Variants in ACTR3B observed in about 807,000 individuals in gnomAD.
ACTR3B encodes actin related protein 3B.
Under a neutral mutation model 59.0 loss-of-function variants are expected in ACTR3B, and 8 were observed. The observed-to-expected ratio is 0.14, with a 90% CI of 0.08 to 0.24. The LOEUF is 0.24. Among genes scored for constraint, ACTR3B ranks in the 10% least tolerant of loss-of-function variants. ACTR3B has a pLI of 1.00. For missense variants in ACTR3B, 245 were observed against 552.3 expected (o/e 0.44, Z 5.58); for synonymous variants, 148 against 197.9 (o/e 0.75, Z 2.12).
chr7:152,774,131 A>C (rs1383439723), intron 1 of ACTR3B, among the ~76,000 whole-genome samples: 2 of 151,928 alleles, frequency 1.3e-5, no homozygotes, highest in African/African-American at 4.8e-5. Flanking sequence ...TATTGCTTTA[A>C]AATTTTTTTG....
chr7:152,846,148 C>CG (rs1430575650), intron 9 of ACTR3B, among the ~76,000 whole-genome samples: 8 of 147,522 alleles, frequency 5.4e-5, no homozygotes, highest in African/African-American at 1.8e-4. Context: ...CTCTAGTGCC[C>CG]GGGCTGTAGT....
intron 2 of ACTR3B, among the ~76,000 whole-genome samples, chr7:152,785,376 TGAGGG>T (rs1454386066): frequency 1.9e-4 from 1 of 5,324 alleles, no homozygotes; most frequent in Non-Finnish European, 3.4e-4. Context: ...GAGTTTGTTG[TGAGGG>T]GGGGGGGAGG....
At chr7:152,831,551 A>G (rs13310946) in intron 9 of ACTR3B, among the ~76,000 whole-genome samples, 1 of 152,190 alleles carries the variant, frequency 6.6e-6, no homozygotes, top group East Asian at 1.9e-4. Context: ...AACTTTAACT[A>G]TTGTGAGTTA....
chr7:152,834,281 G>A (rs1797263853), intron 9 of ACTR3B, among the ~76,000 whole-genome samples: 2 of 151,690 alleles, frequency 1.3e-5, no homozygotes, highest in Non-Finnish European at 2.9e-5. Flanking sequence ...AGCCTCCCAA[G>A]TAGCTGGGAT....
chr7:152,822,178 G>C (rs897691226), intron 7 of ACTR3B, among the ~76,000 whole-genome samples: 1 of 152,216 alleles, frequency 6.6e-6, no homozygotes, highest in Non-Finnish European at 1.5e-5. Context: ...TTCCGCTAGA[G>C]TATATCCAAG....
chr7:152,840,375 G>C (rs1021176456), intron 9 of ACTR3B, among the ~76,000 whole-genome samples: 5 of 152,130 alleles, frequency 3.3e-5, no homozygotes, highest in African/African-American at 1.2e-4. Context: ...CCCTGGGCCG[G>C]TGCTGACGTC....
At position 152,854,725 on chromosome 7, in the gene ACTR3B, C is replaced by T. The variant is rs1157183622; in HGVS notation, c.*172C>T. 4 of 617,816 alleles carry T rather than the reference C, an allele frequency of 6.5e-6. No individual in the cohort carries two copies. Among genetic ancestry groups the T allele is most frequent in the Non-Finnish European group, 1.1e-5 (4 of 356,614 alleles). The allele number at this position is 617,816 out of a possible 1,614,324, so 38.3% of individuals were successfully genotyped here. A position where few individuals can be genotyped will look rare whatever the true frequency, so the allele number is the denominator to read the frequency against. ...GGGCCCTTCAGTAAAAGCCATTTAT[C>T]CGTGTGCCGACCGCTGTCTGCCAGC... On this transcript the variant is annotated 3_prime_UTR_variant, in exon 12 of 12. Coordinates refer to ENST00000256001, the MANE Select transcript of ACTR3B (RefSeq NM_020445.6). This position sits in a 1 kb window ranked among gnomAD's most constrained non-coding sequence, Gnocchi z 4.9.
In ACTR3B at chr7:152,835,689, C is replaced by A. The variant is rs1253035019; in HGVS notation, c.951+10567C>A. Reference sequence around the variant, plus strand: ...AAATGCCGTCTTCTAGTGAGGCGTCCTGACCACCCTGCTCTAGACTGCACC... The same window carrying A: ...AAATGCCGTCTTCTAGTGAGGCGTCATGACCACCCTGCTCTAGACTGCACC... On this transcript the variant is annotated intron_variant, in intron 9 of 11. Transcript: ENST00000256001. Among the ~76,000 whole-genome samples, 3 of 152,304 alleles carry A rather than the reference C, an allele frequency of 2.0e-5. No individual in the cohort carries two copies. The East Asian group carries it at 5.8e-4, about 29-fold the overall frequency.
intron 1 of ACTR3B, among the ~76,000 whole-genome samples, chr7:152,774,032 C>T (rs1161803953): frequency 1.3e-5 from 2 of 152,210 alleles, no homozygotes; most frequent in African/African-American, 4.8e-5. Context: ...TCTTATATCT[C>T]TAAAGTCAGG....
chr7:152,796,860 GTTTTTTTTTTTTTTTTTTTTTTTT>G (rs779909545), intron 2 of ACTR3B, among the ~76,000 whole-genome samples: 6 of 54,738 alleles, frequency 1.1e-4, no homozygotes, highest in Admixed American at 5.9e-4. Context: ...TAGTTTTTGT[GTTTTTTTTTTTTTTTTTTTTTTTT>G]TTTTTTTTTT....
chr7:152,840,766 G>A (rs368585099), intron 9 of ACTR3B, among the ~76,000 whole-genome samples: 2,685 of 52,866 alleles, frequency 0.051, 55 homozygotes, highest in Middle Eastern at 0.099. Flanking sequence ...TTCTGCTGTC[G>A]GCGGCGGGGT....
At position 152,834,563 on chromosome 7, in the gene ACTR3B, C is replaced by T. The variant is rs192933755; in HGVS notation, c.951+9441C>T. Among the ~76,000 whole-genome samples, 505 of 152,324 alleles carry T rather than the reference C, an allele frequency of 3.3e-3. 2 individuals carry two copies. The highest frequency in any genetic ancestry group is 0.011 in the African/African-American group (477 of 41,554). ...TGTTTCATATGCTATGTATTAACAG[C>T]ATTATGTTGTGAGCCCTTTCTTAAG... On this transcript the variant is annotated intron_variant, in intron 9 of 11. Transcript: ENST00000256001.
At chr7:152,818,693 C>A (rs935546443) in intron 6 of ACTR3B, among the ~76,000 whole-genome samples, 1 of 152,252 alleles carries the variant, frequency 6.6e-6, no homozygotes, top group African/African-American at 2.4e-5. Flanking sequence ...AGGTGATCCG[C>A]CTGTCTTGGC....
At chr7:152,795,040 T>TG (rs2098211504) in intron 2 of ACTR3B, among the ~76,000 whole-genome samples, 2 of 151,276 alleles carry the variant, frequency 1.3e-5, no homozygotes, top group African/African-American at 4.8e-5. Context: ...CACTCTCTTT[T>TG]TTTTTTTTTT....
chr7:152,774,122 A>G (rs187820571), intron 1 of ACTR3B, among the ~76,000 whole-genome samples: 47 of 152,054 alleles, frequency 3.1e-4, no homozygotes, highest in African/African-American at 1.0e-3. Flanking sequence ...ATGGTTTAAT[A>G]TTGCTTTAAA....
chr7:152,774,737 A>G lies in ACTR3B; in HGVS notation c.45-8450A>G, dbSNP rs554006905. On this transcript the variant is annotated intron_variant, in intron 1 of 11. Coordinates refer to ENST00000256001, the MANE Select transcript of ACTR3B (RefSeq NM_020445.6). ...GGCAAAGATACTGGATTTGGATAAA[A>G]TATTTAAGTTTGAACTTTATATATT... Among the ~76,000 whole-genome samples, 13 of 152,298 alleles carry G rather than the reference A, an allele frequency of 8.5e-5. No individual in the cohort carries two copies. In the East Asian group the frequency reaches 2.5e-3, roughly 29 times the overall value.
intron 2 of ACTR3B, among the ~76,000 whole-genome samples, chr7:152,794,651 T>C (rs1161040974): frequency 1.3e-5 from 2 of 152,252 alleles, no homozygotes; most frequent in Non-Finnish European, 2.9e-5. Flanking sequence ...ACCAAACTTG[T>C]ACATCAGATG....
chr7:152,823,298 G>T, intron 7 of ACTR3B, 44 bp from the exon 8 acceptor site: 1 of 1,603,082 alleles, frequency 6.2e-7, no homozygotes, highest in South Asian at 1.1e-5. Context: ...CAGAGACACT[G>T]GGCAGTTGTT....
Position 152,814,768 on chromosome 7 carries a change from C to G in ACTR3B, c.432+123C>G, listed in dbSNP as rs1471001653. ...TGTGCCCTTCCTTTTTCCACTCCCT[C>G]CCCCGTCCCCATGCCATTCAGGACT... On this transcript the variant is annotated intron_variant, in intron 5 of 11. Coordinates refer to ENST00000256001, the MANE Select transcript of ACTR3B (RefSeq NM_020445.6). The G allele has an allele frequency of 5.0e-6, 4 of 797,990 alleles. No homozygotes were observed. The African/African-American group carries it at 5.2e-5, about 10-fold the overall frequency. 49.4% of individuals were successfully genotyped at this position (797,990 alleles called of 1,614,324 possible). A position where few individuals can be genotyped will look rare whatever the true frequency, so the allele number is the denominator to read the frequency against.
Sources: gnomAD v4.1 joint callset for allele counts (sites outside exome capture counted in the v4.1 genomes callset) on GRCh38, gnomAD v4.1.1 for gene constraint, Gnocchi (gnomAD v3.1) non-coding constraint, MANE v1.5 for transcripts, NCBI Gene and HGNC (gene_info 2026-07-23, HGNC 2026-07-21) for gene names.